The following ALDH1L2 variants were observed in gnomAD, a reference collection of about 807,000 sequenced individuals.
ALDH1L2 encodes the protein aldehyde dehydrogenase 1 family member L2.
ALDH1L2 carries 91 observed loss-of-function variants against 111.0 expected under a neutral mutation model. The ratio of observed to expected loss-of-function variants is 0.82; its 90% CI spans 0.69 to 0.98. ALDH1L2 has a LOEUF of 0.98. Among genes scored for constraint, ALDH1L2 ranks in the 50% least tolerant of loss-of-function variants. ALDH1L2 has a pLI of 0.00. For missense variants in ALDH1L2, 995 were observed against 1,126.8 expected, an observed-to-expected ratio of 0.88 and a Z score of 1.67; for synonymous variants, 374 against 392.6, an observed-to-expected ratio of 0.95 and a Z score of 0.56.
In ALDH1L2 at chr12:105,039,980, T is replaced by G. The variant is rs1875424322; in HGVS notation, c.1952-174A>C. The stretch of plus-strand genomic sequence containing the variant: ...CCTGTCACTACTAAAAATATAAAAA[T>G]TAGCCAGGCATGGTGGCACACGCCT... On this transcript the variant is annotated intron_variant, in intron 16 of 22. Coordinates refer to ENST00000258494, the MANE Select transcript of ALDH1L2 (RefSeq NM_001034173.4). 2.0e-5 allele frequency among the ~76,000 whole-genome samples: 3 copies of G among 151,854 alleles called. No individual in the cohort carries two copies. In the South Asian group the frequency reaches 6.2e-4, roughly 32 times the overall value.
intron 2 of ALDH1L2, among the ~76,000 whole-genome samples, chr12:105,073,231 C>CT (rs1333068994): frequency 1.3e-5 from 2 of 152,232 alleles, no homozygotes; most frequent in Admixed American, 6.5e-5. Flanking sequence ...GATTAAGTAA[C>CT]TTGCCCAAGG....
chr12:105,046,020 T>C (rs1024196245), intron 15 of ALDH1L2, among the ~76,000 whole-genome samples: 8 of 151,690 alleles, frequency 5.3e-5, no homozygotes, highest in African/African-American at 1.9e-4. Context: ...AAAAAGCTAT[T>C]GTAGCATTAA....
At chr12:105,072,510 C>G (rs1012833840) in intron 2 of ALDH1L2, 1 of 152,204 alleles carries the variant, frequency 6.6e-6, no homozygotes, top group East Asian at 1.9e-4. Flanking sequence ...CAATAGTGTT[C>G]ACAAAATGTG....
chr12:105,071,479 A>G (rs2166143), intron 2 of ALDH1L2, among the ~76,000 whole-genome samples: 29,914 of 151,102 alleles, frequency 0.2, 3,185 homozygotes, highest in African/African-American at 0.27. Flanking sequence ...CTAATGCCAT[A>G]TGAAAATGGA....
intron 11 of ALDH1L2, 49 bp from the exon 12 acceptor site, chr12:105,052,266 G>T: frequency 6.7e-7 from 1 of 1,488,768 alleles, no homozygotes; most frequent in South Asian, 1.4e-5. Flanking sequence ...ATGAAAATAT[G>T]GTTCTTGGAA....
At position 105,024,310 on chromosome 12, in the gene ALDH1L2, G is replaced by T; in HGVS notation, c.*114C>A. On this transcript the variant is annotated 3_prime_UTR_variant, in exon 23 of 23. Transcript: ENST00000258494. Reference sequence around the variant, plus strand: ...GCCTGGCCCTCTTCATGGTCCATCTGTGTATTTTTTGGTTTGTGGCTGACA... The same window carrying T: ...GCCTGGCCCTCTTCATGGTCCATCTTTGTATTTTTTGGTTTGTGGCTGACA... 1 of 1,150,078 alleles carries T rather than the reference G, an allele frequency of 8.7e-7. No individual in the cohort carries two copies. Among genetic ancestry groups the T allele is most frequent in the Non-Finnish European group, 1.3e-6 (1 of 769,760 alleles). The allele number at this position is 1,150,078 out of a possible 1,614,324, so 71.2% of individuals were successfully genotyped here. A position where few individuals can be genotyped will look rare whatever the true frequency, so the allele number is the denominator to read the frequency against.
chr12:105,046,913 C>G lies in ALDH1L2; in HGVS notation c.1743G>C (p.Lys581Asn). The change falls in exon 14 of 23, where the codon AAG becomes AAC. Residue 581 changes from lysine (K) to asparagine (N), a missense_variant. Transcript: ENST00000258494. ...CCTTATCTTACCCGAGTGGCTCTTT[C>G]TTGGTGAAGGTCAGATTGCGATTTG... is the stretch of plus-strand genomic sequence containing the variant. ...ARPNRNLTFT[K>N]KEPLGVCAII... The G allele has an allele frequency of 6.2e-7, 1 of 1,613,998 alleles. No individual in the cohort carries two copies.
At chr12:105,074,375 T>C (rs541697124) in intron 1 of ALDH1L2, among the ~76,000 whole-genome samples, 42 of 145,162 alleles carry the variant, frequency 2.9e-4, no homozygotes, top group Non-Finnish European at 5.3e-4. Flanking sequence ...GGAGAATCTC[T>C]TGAACCCGGG....
In ALDH1L2 at chr12:105,023,764, A is replaced by G. The variant is rs1485569547; in HGVS notation, c.*660T>C. On this transcript the variant is annotated 3_prime_UTR_variant, in exon 23 of 23. Transcript: ENST00000258494. ...ATATGTAAAATTTGCTTCAAAAGCT[A>G]TTTACTAAAATTTAAACTATGTGGG... The G allele has an allele frequency of 1.3e-5, 2 of 152,168 alleles. No homozygotes were observed. The highest frequency in any genetic ancestry group is 1.9e-4 in the East Asian group (1 of 5,198). The allele number at this position is 152,168 out of a possible 1,614,324, so 9.4% of individuals were successfully genotyped here.
At chr12:105,052,955 T>C (rs1312077015) in intron 10 of ALDH1L2, 24 bp from the exon 11 acceptor site, 1 of 1,610,804 alleles carries the variant, frequency 6.2e-7, no homozygotes, top group Admixed American at 1.7e-5. Context: ...ATTAATAGAT[T>C]CAATGGATTT....
At chr12:105,078,550 C>A (rs1353498617) in intron 1 of ALDH1L2, among the ~76,000 whole-genome samples, 1 of 152,198 alleles carries the variant, frequency 6.6e-6, no homozygotes, top group Non-Finnish European at 1.5e-5. Flanking sequence ...GCAGTGGTGG[C>A]CCCTTTACCC....
At chr12:105,078,243 G>A (rs184953427) in intron 1 of ALDH1L2, among the ~76,000 whole-genome samples, 152 of 152,220 alleles carry the variant, frequency 1.0e-3, no homozygotes, top group African/African-American at 3.6e-3. Flanking sequence ...GATCACCTGA[G>A]GTCAGGAGTT....
intron 1 of ALDH1L2, among the ~76,000 whole-genome samples, chr12:105,078,620 T>C (rs1462603912): frequency 6.6e-6 from 1 of 152,200 alleles, no homozygotes; most frequent in African/African-American, 2.4e-5. Context: ...CTGTTTGGCC[T>C]CTGTGGGAAT....
intron 20 of ALDH1L2, among the ~76,000 whole-genome samples, chr12:105,031,029 A>G (rs1229337437): frequency 6.6e-6 from 1 of 152,190 alleles, no homozygotes; most frequent in Non-Finnish European, 1.5e-5. Context: ...CATGTTAAAG[A>G]GACTGGGTCA....
chr12:105,062,903 A>G lies in ALDH1L2; in HGVS notation c.906T>C (p.Gly302=), dbSNP rs1203454643. Reference sequence around the variant, plus strand: ...TAACACTCACTGCTTTTCCATCGTTACCAAAAAGAACAAGTCCATTTTTGG... The same window carrying G: ...TAACACTCACTGCTTTTCCATCGTTGCCAAAAAGAACAAGTCCATTTTTGG... ...LVTKNGLVLF[G]NDGKALTVRN... Residue 302 remains glycine, a synonymous_variant, in exon 7 of 23, where the codon GGT becomes GGC. Coordinates refer to ENST00000258494, the MANE Select transcript of ALDH1L2 (RefSeq NM_001034173.4). 1 of 1,610,514 alleles carries G rather than the reference A, an allele frequency of 6.2e-7. No individual in the cohort carries two copies. The highest frequency in any genetic ancestry group is 8.5e-7 in the Non-Finnish European group (1 of 1,179,180).
chr12:105,036,514 TTATATA>T lies in ALDH1L2; in HGVS notation c.2145+1583_2145+1588del, dbSNP rs1182802302. On this transcript the variant is annotated intron_variant, in intron 18 of 22. Transcript: ENST00000258494. ...ATATTTATATATGTATATATATATTTTATATATATATATATATATATATATATATAT... is the reference window on the plus strand; with the variant it reads ...ATATTTATATATGTATATATATATTTTATATATATATATATATATATATAT... Among the ~76,000 whole-genome samples the T allele has an allele frequency of 6.8e-3, 161 of 23,610 alleles. 3 individuals carry two copies. The highest frequency in any genetic ancestry group is 9.5e-3 in the Non-Finnish European group (105 of 11,040). The allele number at this position is 23,610 out of a possible 152,430, so 15.5% of individuals were successfully genotyped here. A position where few individuals can be genotyped will look rare whatever the true frequency, so the allele number is the denominator to read the frequency against.
At chr12:105,047,090 G>T (rs1425441598) in intron 13 of ALDH1L2, 121 bp from the exon 14 acceptor site, 1 of 1,054,602 alleles carries the variant, frequency 9.5e-7, no homozygotes, top group East Asian at 2.6e-5. Context: ...AAGAGCGTTT[G>T]TTGATAAGAA....
Position 105,024,310 on chromosome 12 carries a change from G to A in ALDH1L2, c.*114C>T, listed in dbSNP as rs1301861749. On this transcript the variant is annotated 3_prime_UTR_variant, in exon 23 of 23. Coordinates refer to ENST00000258494, the MANE Select transcript of ALDH1L2 (RefSeq NM_001034173.4). ...GCCTGGCCCTCTTCATGGTCCATCT[G>A]TGTATTTTTTGGTTTGTGGCTGACA... 4 of 1,149,962 alleles carry A rather than the reference G, an allele frequency of 3.5e-6. No individual in the cohort carries two copies. Among genetic ancestry groups the A allele is most frequent in the East Asian group, 2.3e-5 (1 of 42,662 alleles). 71.2% of individuals were successfully genotyped at this position (1,149,962 alleles called of 1,614,324 possible).
Position 105,020,618 on chromosome 12 carries a change from C to T in ALDH1L2, c.*3806G>A, listed in dbSNP as rs548120883. ...AGTGATAAGTGCTATGAAAATAATG[C>T]ACTTATAAAAAGAATAAAGAATGAC... On this transcript the variant is annotated 3_prime_UTR_variant, in exon 23 of 23. Transcript: ENST00000258494. 3 of 152,240 alleles carry T rather than the reference C, an allele frequency of 2.0e-5. No homozygotes were observed. Among genetic ancestry groups the T allele is most frequent in the South Asian group, 2.1e-4 (1 of 4,820 alleles). The allele number at this position is 152,240 out of a possible 1,614,324, so 9.4% of individuals were successfully genotyped here.
Sources: gnomAD v4.1 joint callset for allele counts (sites outside exome capture counted in the v4.1 genomes callset) on GRCh38, gnomAD v4.1.1 for gene constraint, MANE v1.5 for transcripts, NCBI Gene and HGNC (gene_info 2026-07-23, HGNC 2026-07-21) for gene names.